The following AEBP2 variants were observed in gnomAD, a reference collection of about 807,000 sequenced individuals.
AEBP2 encodes the protein zinc finger protein AEBP2.
AEBP2 carries 10 observed loss-of-function variants against 50.8 expected under a neutral mutation model. The observed-to-expected ratio is 0.20, with a 90% CI of 0.12 to 0.33. The LOEUF (loss-of-function observed/expected upper bound fraction) is 0.33. AEBP2 is among the 10% of genes least tolerant of loss of function. AEBP2 has a pLI of 1.00. For missense variants in AEBP2, 570 were observed against 688.0 expected (o/e 0.83, Z 1.92); for synonymous variants, 296 against 261.3 (o/e 1.13, Z -1.28).
chr12:19,426,748 A>T (rs1220004245), intron 1 of AEBP2, among the ~76,000 whole-genome samples: 2 of 152,036 alleles, frequency 1.3e-5, no homozygotes, highest in African/African-American at 2.4e-5. Context: ...TACTAAAAAT[A>T]CAAAAATTAG....
At chr12:19,435,600 TG>T (rs1359068799), upstream of AEBP2, among the ~76,000 whole-genome samples, 3 of 152,162 alleles carry the variant, frequency 2.0e-5, no homozygotes, top group Non-Finnish European at 4.4e-5. Flanking sequence ...TTAGCTTTCT[TG>T]CCATGATTTC....
chr12:19,458,285 A>G (rs946569829), intron 1 of AEBP2, among the ~76,000 whole-genome samples: 1 of 152,220 alleles, frequency 6.6e-6, no homozygotes, highest in African/African-American at 2.4e-5. Context: ...GTCTGGGGCC[A>G]AAAGGGAGCC....
chr12:19,439,662 G>A lies in AEBP2; in HGVS notation c.-38G>A, dbSNP rs780844248. 9.0e-6 allele frequency: 13 copies of A among 1,445,796 alleles called. No homozygotes were observed. Among genetic ancestry groups the A allele is most frequent in the South Asian group, 5.0e-5 (4 of 79,928 alleles). The allele number at this position is 1,445,796 out of a possible 1,614,324, so 89.6% of individuals were successfully genotyped here. On this transcript the variant is annotated 5_prime_UTR_variant, in exon 1 of 8. Coordinates refer to ENST00000266508, the MANE Select transcript of AEBP2 (RefSeq NM_153207.5). Reference sequence around the variant, plus strand: ...GAGAGAGTCGAGAGAGGGAGGCGGCGGTGGGGAGGAGGAGGAGGAGGAGGA... The same window carrying A: ...GAGAGAGTCGAGAGAGGGAGGCGGCAGTGGGGAGGAGGAGGAGGAGGAGGA...
intron 2 of AEBP2, among the ~76,000 whole-genome samples, chr12:19,464,110 T>G (rs1948428465): frequency 6.6e-6 from 1 of 152,258 alleles, no homozygotes; most frequent in African/African-American, 2.4e-5. Flanking sequence ...GAGTAACCAG[T>G]AAAATGTTAT....
chr12:19,423,836 G>A (rs1236859827), intron 1 of AEBP2, among the ~76,000 whole-genome samples: 1 of 152,096 alleles, frequency 6.6e-6, no homozygotes, highest in Non-Finnish European at 1.5e-5. Context: ...GTGAGATTCT[G>A]TCTCAAAAAC....
At chr12:19,436,481 C>T (rs916894677), upstream of AEBP2, among the ~76,000 whole-genome samples, 2 of 152,156 alleles carry the variant, frequency 1.3e-5, no homozygotes, top group African/African-American at 2.4e-5. Context: ...TATGGACTTA[C>T]CCCAAATTCT....
chr12:19,446,521 AG>A (rs1168797062), intron 1 of AEBP2, among the ~76,000 whole-genome samples: 1 of 152,144 alleles, frequency 6.6e-6, no homozygotes, highest in Non-Finnish European at 1.5e-5. Flanking sequence ...CAAGGTCAGG[AG>A]ATCAAGACCA....
At chr12:19,479,664 A>G (rs368514913) in intron 3 of AEBP2, among the ~76,000 whole-genome samples, 11 of 44,650 alleles carry the variant, frequency 2.5e-4, no homozygotes, top group African/African-American at 7.9e-4. Context: ...TAGGATTGTT[A>G]TTTTCCTGTT....
chr12:19,480,976 T>G (rs1948719622), intron 3 of AEBP2, among the ~76,000 whole-genome samples: 1 of 152,118 alleles, frequency 6.6e-6, no homozygotes, highest in African/African-American at 2.4e-5. Flanking sequence ...GGAGACTTTG[T>G]TAATTTTTTT....
At chr12:19,495,393 A>G (rs1446510861) in intron 4 of AEBP2, among the ~76,000 whole-genome samples, 1 of 152,258 alleles carries the variant, frequency 6.6e-6, no homozygotes, top group East Asian at 1.9e-4. Context: ...AGACTACGAA[A>G]TTAGTCTGTA....
At position 19,518,218 on chromosome 12, in the gene AEBP2, CTTTTT is replaced by C. The variant is rs34795094; in HGVS notation, c.*117_*121del. On this transcript the variant is annotated 3_prime_UTR_variant, in exon 8 of 8. Coordinates refer to ENST00000266508, the MANE Select transcript of AEBP2 (RefSeq NM_153207.5). ...AGTTGCACATTAGAGTCAACCCCTT[CTTTTT>C]TTTTTTTTTTTTTTTAAATCCAGTA... 373 of 1,131,806 alleles carry C rather than the reference CTTTTT, an allele frequency of 3.3e-4. No individual in the cohort carries two copies. The highest frequency in any genetic ancestry group is 1.2e-3 in the East Asian group (29 of 24,448). The allele number at this position is 1,131,806 out of a possible 1,614,324, so 70.1% of individuals were successfully genotyped here. A position where few individuals can be genotyped will look rare whatever the true frequency, so the allele number is the denominator to read the frequency against.
intron 1 of AEBP2, among the ~76,000 whole-genome samples, chr12:19,460,254 C>T (rs1289196599): frequency 6.6e-6 from 1 of 152,042 alleles, no homozygotes; most frequent in Admixed American, 6.6e-5. Context: ...ATGTTAGACA[C>T]AGATCATTAT....
chr12:19,404,620 A>G (rs2095735120), intron 1 of AEBP2, among the ~76,000 whole-genome samples: 1 of 152,198 alleles, frequency 6.6e-6, no homozygotes, highest in African/African-American at 2.4e-5. Context: ...TATTGGAAAA[A>G]CAAGGTTTCA....
At chr12:19,506,389 G>A (rs1004753520) in intron 5 of AEBP2, among the ~76,000 whole-genome samples, 8 of 151,988 alleles carry the variant, frequency 5.3e-5, no homozygotes, top group South Asian at 4.2e-4. Flanking sequence ...CATGAGCCAC[G>A]GTGCCTGGCC....
At chr12:19,409,748 G>C (rs950883432) in intron 1 of AEBP2, among the ~76,000 whole-genome samples, 11 of 152,124 alleles carry the variant, frequency 7.2e-5, no homozygotes, top group Admixed American at 7.2e-4. Flanking sequence ...TTAGTGGAAG[G>C]CTTTTTTCAT....
chr12:19,455,128 G>T (rs149465526), intron 1 of AEBP2, among the ~76,000 whole-genome samples: 2 of 151,714 alleles, frequency 1.3e-5, no homozygotes, highest in Non-Finnish European at 2.9e-5. Flanking sequence ...TGTGTAGCTG[G>T]GATTACAGGC....
chr12:19,405,154 C>A (rs923958871), intron 1 of AEBP2, among the ~76,000 whole-genome samples: 1 of 151,698 alleles, frequency 6.6e-6, no homozygotes, highest in African/African-American at 2.4e-5. Context: ...CAAGGCTGTT[C>A]TGGAACTCAA....
At chr12:19,461,909 G>A (rs1948386230) in intron 1 of AEBP2, among the ~76,000 whole-genome samples, 1 of 151,960 alleles carries the variant, frequency 6.6e-6, no homozygotes, top group Non-Finnish European at 1.5e-5. Flanking sequence ...TAAAATTTTA[G>A]GGCTAGGAAA....
chr12:19,521,821 A>G lies in AEBP2; in HGVS notation c.*3704A>G, dbSNP rs111727424. On this transcript the variant is annotated 3_prime_UTR_variant, in exon 8 of 8. Transcript: ENST00000266508. Reference sequence around the variant, plus strand: ...TTTGAATTCTTAATTCATGGTGAACAGATGTTGGGTTCTTAAAATATAAAA... The same window carrying G: ...TTTGAATTCTTAATTCATGGTGAACGGATGTTGGGTTCTTAAAATATAAAA... 2.8e-3 allele frequency: 433 copies of G among 152,254 alleles called. 1 individual carries two copies. Among genetic ancestry groups the G allele is most frequent in the African/African-American group, 9.8e-3 (409 of 41,580 alleles). The allele number at this position is 152,254 out of a possible 1,614,324, so 9.4% of individuals were successfully genotyped here.
Sources: gnomAD v4.1 joint callset for allele counts (sites outside exome capture counted in the v4.1 genomes callset) on GRCh38, gnomAD v4.1.1 for gene constraint, MANE v1.5 for transcripts, NCBI Gene and HGNC (gene_info 2026-07-23, HGNC 2026-07-21) for gene names.